CNTNAP2: variants seen among roughly 807,000 people sequenced by gnomAD.
CNTNAP2 encodes the protein contactin associated protein 2.
CNTNAP2 carries 98 observed loss-of-function variants against 155.2 expected under a neutral mutation model. That is an observed-to-expected ratio of 0.63 (90% CI 0.54 to 0.75). CNTNAP2 has a LOEUF of 0.75. CNTNAP2 is among the 30% of genes least tolerant of loss of function. CNTNAP2 has a pLI of 0.00. For synonymous variants in CNTNAP2, 651 were observed against 631.2 expected (o/e 1.03, Z -0.47); for missense variants, 1,727 against 1,688.1 (o/e 1.02, Z -0.40).
chr7:146,709,428 A>G (rs1801024120), intron 1 of CNTNAP2, among the ~76,000 whole-genome samples: 1 of 152,190 alleles, frequency 6.6e-6, no homozygotes. Flanking sequence ...GATTGATTGA[A>G]ATGTGTGACT....
chr7:146,391,538 T>A (rs1485245140), intron 1 of CNTNAP2, among the ~76,000 whole-genome samples: 1 of 152,198 alleles, frequency 6.6e-6, no homozygotes, highest in East Asian at 1.9e-4. Context: ...AATATATTTT[T>A]AAGGATGTAA....
chr7:146,663,916 T>C (rs2129166573), intron 1 of CNTNAP2, among the ~76,000 whole-genome samples: 1 of 152,246 alleles, frequency 6.6e-6, no homozygotes, highest in South Asian at 2.1e-4. Context: ...GTGAATGTGG[T>C]AAAAGCAAGC....
At chr7:146,728,454 T>C (rs1255538918) in intron 1 of CNTNAP2, among the ~76,000 whole-genome samples, 1 of 152,142 alleles carries the variant, frequency 6.6e-6, no homozygotes, top group African/African-American at 2.4e-5. Flanking sequence ...TGCTTGTTTG[T>C]TAGATATCTG....
chr7:146,710,897 C>A (rs925646228), intron 1 of CNTNAP2, among the ~76,000 whole-genome samples: 3 of 152,002 alleles, frequency 2.0e-5, no homozygotes, highest in African/African-American at 7.2e-5. Context: ...GAATCATTAG[C>A]CAAGTTAGGA....
chr7:146,752,343 T>A (rs11766578), intron 1 of CNTNAP2, among the ~76,000 whole-genome samples: 5,261 of 152,268 alleles, frequency 0.035, 227 homozygotes, highest in African/African-American at 0.11. Flanking sequence ...TGGCATCTCA[T>A]TGTGGTTTTG....
intron 9 of CNTNAP2, among the ~76,000 whole-genome samples, chr7:147,302,277 A>ATGAGC (rs1223148257): frequency 1.3e-5 from 2 of 152,226 alleles, no homozygotes; most frequent in Admixed American, 1.3e-4. Context: ...TTGGCCATAC[A>ATGAGC]TGAGCTCCCT....
intron 13 of CNTNAP2, among the ~76,000 whole-genome samples, chr7:147,649,021 G>T (rs1297603802): frequency 6.6e-6 from 1 of 152,008 alleles, no homozygotes; most frequent in African/African-American, 2.4e-5. Context: ...TTTCTTTTTT[G>T]TGTGCATGAT....
chr7:146,863,771 A>T (rs757459699), intron 3 of CNTNAP2, among the ~76,000 whole-genome samples: 1 of 152,156 alleles, frequency 6.6e-6, no homozygotes, highest in Non-Finnish European at 1.5e-5. Flanking sequence ...AAGATTGAAG[A>T]TAAAATACTT....
At chr7:146,303,330 G>T (rs1169122071) in intron 1 of CNTNAP2, among the ~76,000 whole-genome samples, 1 of 151,972 alleles carries the variant, frequency 6.6e-6, no homozygotes, top group Non-Finnish European at 1.5e-5. Context: ...CAATTTGCCA[G>T]TCTCAAATCA....
intron 1 of CNTNAP2, among the ~76,000 whole-genome samples, chr7:146,418,536 A>G (rs570954354): frequency 6.6e-6 from 1 of 152,296 alleles, no homozygotes; most frequent in African/African-American, 2.4e-5. Context: ...GAGAAAATAC[A>G]AAGTTCTGCA....
intron 21 of CNTNAP2, among the ~76,000 whole-genome samples, chr7:148,280,628 G>A (rs1221180874): frequency 6.6e-6 from 1 of 151,840 alleles, no homozygotes; most frequent in African/African-American, 2.4e-5. Context: ...ATTAGAAAAA[G>A]CAATAAAAAG....
chr7:146,592,619 A>C (rs1211809699), intron 1 of CNTNAP2, among the ~76,000 whole-genome samples: 1 of 152,192 alleles, frequency 6.6e-6, no homozygotes, highest in Non-Finnish European at 1.5e-5. Flanking sequence ...TATTGTGAAC[A>C]GATCAGAACC....
chr7:146,829,871 T>C (rs1417336662), intron 2 of CNTNAP2, among the ~76,000 whole-genome samples: 2 of 152,126 alleles, frequency 1.3e-5, no homozygotes, highest in South Asian at 2.1e-4. Flanking sequence ...TCTTAAAAGA[T>C]TGATCTCATA....
intron 10 of CNTNAP2, among the ~76,000 whole-genome samples, chr7:147,437,315 A>G (rs1797566673): frequency 6.6e-6 from 1 of 152,194 alleles, no homozygotes; most frequent in African/African-American, 2.4e-5. Flanking sequence ...ACTGGGCTGC[A>G]TAGAGCTTTT....
At chr7:147,971,759 C>T (rs1036503060) in intron 14 of CNTNAP2, among the ~76,000 whole-genome samples, 1 of 152,194 alleles carries the variant, frequency 6.6e-6, no homozygotes, top group East Asian at 1.9e-4. Flanking sequence ...TAAACATCTA[C>T]CTAAAAGGCT....
chr7:146,406,169 C>A (rs1037115151), intron 1 of CNTNAP2, among the ~76,000 whole-genome samples: 54 of 152,274 alleles, frequency 3.5e-4, no homozygotes, highest in African/African-American at 1.2e-3. Context: ...CTTGAAAGTT[C>A]TCTCTCTGTC....
chr7:148,314,597 C>A (rs567649374), intron 21 of CNTNAP2, among the ~76,000 whole-genome samples: 2 of 151,172 alleles, frequency 1.3e-5, no homozygotes, highest in Admixed American at 6.6e-5. Flanking sequence ...GAGAAGGGGT[C>A]GGGGGGTTCT....
chr7:147,518,856 C>A (rs1240171658), intron 11 of CNTNAP2, among the ~76,000 whole-genome samples: 1 of 151,888 alleles, frequency 6.6e-6, no homozygotes, highest in South Asian at 2.1e-4. Context: ...CATAGTGAAA[C>A]CCCGTCTCTA....
intron 13 of CNTNAP2, among the ~76,000 whole-genome samples, chr7:147,797,712 A>T (rs906257898): frequency 1.3e-5 from 2 of 152,200 alleles, no homozygotes; most frequent in African/African-American, 2.4e-5. Context: ...ATGCATATCC[A>T]TTCTGAGAAA....
Sources: allele counts gnomAD v4.1 joint callset (sites outside exome capture counted in the v4.1 genomes callset), GRCh38; gene constraint gnomAD v4.1.1; transcripts MANE v1.5; gene names NCBI Gene and HGNC (gene_info 2026-07-23, HGNC 2026-07-21).